The following ZNF142 variants were observed in gnomAD, a reference collection of about 807,000 sequenced individuals.
The protein encoded by ZNF142 is zinc finger protein 142 (clone pHZ-49).
Under a neutral mutation model 132.1 loss-of-function variants are expected in ZNF142, and 96 were observed. The ratio of observed to expected loss-of-function variants is 0.73; its 90% CI spans 0.62 to 0.86. The LOEUF is 0.86. Ranked by LOEUF, ZNF142 falls within the 40% of genes least tolerant of loss-of-function variation. The pLI is 0.00. For synonymous variants in ZNF142, 842 were observed against 890.1 expected (o/e 0.95, Z 0.96); for missense variants, 2,163 against 2,336.2 (o/e 0.93, Z 1.53).
At position 218,651,749 on chromosome 2, in the gene ZNF142, CCT is replaced by C. The variant is rs1227737566; in HGVS notation, c.830_831del (p.Gln277ArgfsTer42). On this transcript the variant is annotated frameshift_variant, in exon 5 of 11. Coordinates refer to ENST00000411696, the MANE Select transcript of ZNF142 (RefSeq NM_001379659.1). LOFTEE classifies it high-confidence loss of function. The part of the protein sequence containing the change: ...QHQRSHGAGT[Q>X]GELSAVQGLP... ...AGGCCCTGAACGGCAGAAAGTTCTC[CCT>C]GTGTCCCAGCACCATGGCTCCGCTG... 5 of 1,289,640 alleles carry C rather than the reference CCT, an allele frequency of 3.9e-6. No homozygotes were observed. The highest frequency in any genetic ancestry group is 5.1e-6 in the Non-Finnish European group (5 of 988,850). 79.9% of individuals were successfully genotyped at this position (1,289,640 alleles called of 1,614,324 possible). A position where few individuals can be genotyped will look rare whatever the true frequency, so the allele number is the denominator to read the frequency against.
intron 10 of ZNF142, among the ~76,000 whole-genome samples, chr2:218,639,058 G>A (rs941628798): frequency 3.9e-5 from 6 of 152,086 alleles, no homozygotes; most frequent in Non-Finnish European, 5.9e-5. Flanking sequence ...TACAACCTCC[G>A]CCTCCCAGGT....
intron 4 of ZNF142, among the ~76,000 whole-genome samples, chr2:218,653,813 C>T (rs1281331154): frequency 1.3e-5 from 2 of 152,094 alleles, no homozygotes; most frequent in African/African-American, 2.4e-5. Flanking sequence ...AAATTCTGCC[C>T]TTGCTTCCCT....
chr2:218,643,264 T>TG lies in ZNF142; in HGVS notation c.3851dup (p.Glu1285ArgfsTer6), dbSNP rs764810560. On this transcript the variant is annotated frameshift_variant, in exon 9 of 11. Coordinates refer to ENST00000411696, the MANE Select transcript of ZNF142 (RefSeq NM_001379659.1). LOFTEE classifies it high-confidence loss of function. ...TATCCCCATCACCAGAGCTGGACTC[T>TG]GTACTCCCATTCTTCGGGGGAGCAG... The TG allele has an allele frequency of 6.2e-7, 1 of 1,614,236 alleles. No individual in the cohort carries two copies. The highest frequency in any genetic ancestry group is 2.2e-5 in the East Asian group (1 of 44,884).
rs1257952186 is a variant in ZNF142 at position 218,642,189 on chromosome 2, C to T, written c.4927G>A (p.Val1643Met). The stretch of plus-strand genomic sequence containing the variant: ...AGACGAGTGCCCCCATGCCCTTTCA[C>T]ATGGTGATCTAGTACCAGCTGATGG... ...CRHQLVLDHH[V>M]KGHGGTRLYK... Residue 1643 changes from valine (V) to methionine (M), a missense_variant, in exon 9 of 11, where the codon GTG becomes ATG. This residue lies in a region of ZNF142 where 325 missense variants were observed against 367.8 expected (regional missense o/e 0.88). Coordinates refer to ENST00000411696, the MANE Select transcript of ZNF142 (RefSeq NM_001379659.1). The surrounding 1 kb of genome is among the most constrained non-coding windows in gnomAD (Gnocchi z 4.6). 1.2e-6 allele frequency: 2 copies of T among 1,614,110 alleles called. No homozygotes were observed. Among genetic ancestry groups the T allele is most frequent in the Non-Finnish European group, 1.7e-6 (2 of 1,180,050 alleles).
Position 218,634,782 on chromosome 2 carries a change from CACA to C in ZNF142, c.*3554_*3556del, listed in dbSNP as rs1696615385. ...TGGAGCCAGCTGCCTAGCTTCAAACCACAACTTCCTAATTGGGTAATGTTGGGC... is the reference window on the plus strand; with the variant it reads ...TGGAGCCAGCTGCCTAGCTTCAAACCACTTCCTAATTGGGTAATGTTGGGC... On this transcript the variant is annotated 3_prime_UTR_variant, in exon 11 of 11. Transcript: ENST00000411696. This position sits in a 1 kb window ranked among gnomAD's most constrained non-coding sequence, Gnocchi z 4.0. Among the ~76,000 whole-genome samples, 4 of 152,174 alleles carry C rather than the reference CACA, an allele frequency of 2.6e-5. No homozygotes were observed. Among genetic ancestry groups the C allele is most frequent in the Admixed American group, 2.6e-4 (4 of 15,278 alleles).
At chr2:218,645,139 C>T in intron 8 of ZNF142, 75 bp from the exon 9 acceptor site, 1 of 1,545,716 alleles carries the variant, frequency 6.5e-7, no homozygotes, top group Non-Finnish European at 8.7e-7. Context: ...TAAATACTTA[C>T]TGTGGGCCAG....
At position 218,637,013 on chromosome 2, in the gene ZNF142, G is replaced by A. The variant is rs1575049105; in HGVS notation, c.*1326C>T. The stretch of plus-strand genomic sequence containing the variant: ...ACTTCCTCAAAGCCCAAAGCCAAGG[G>A]AAGGATAAATCAAGGCTCAAGGCTT... On this transcript the variant is annotated 3_prime_UTR_variant, in exon 11 of 11. Transcript: ENST00000411696. 13 of 435,464 alleles carry A rather than the reference G, an allele frequency of 3.0e-5. 1 individual carries two copies. In the Middle Eastern group the frequency reaches 1.0e-3, roughly 34 times the overall value. 27.0% of individuals were successfully genotyped at this position (435,464 alleles called of 1,614,324 possible). A position where few individuals can be genotyped will look rare whatever the true frequency, so the allele number is the denominator to read the frequency against.
rs779110994 is a variant in ZNF142 at position 218,642,395 on chromosome 2, C to T, written c.4721G>A (p.Arg1574Lys). The change falls in exon 9 of 11, where the codon AGG (arginine) becomes AAG (lysine). Residue 1574 changes from arginine (R) to lysine (K), a missense_variant. Transcript: ENST00000411696. This position sits in a 1 kb window ranked among gnomAD's most constrained non-coding sequence, Gnocchi z 4.6. ...ACAGCGGTGGCTGAAATGCTGCTGC[C>T]TCCGGTGCTCATCCAGAGCCAGTCG... ...PSRLALDEHR[R>K]QQHFSHRCQL... The T allele has an allele frequency of 6.2e-7, 1 of 1,612,992 alleles. No individual in the cohort carries two copies. The highest frequency in any genetic ancestry group is 8.5e-7 in the Non-Finnish European group (1 of 1,180,028).
chr2:218,640,061 CAAAAAAA>C (rs35136548), intron 10 of ZNF142, among the ~76,000 whole-genome samples: 8 of 44,316 alleles, frequency 1.8e-4, no homozygotes, highest in Admixed American at 1.3e-3. Context: ...GACTCTGTCT[CAAAAAAA>C]AAAAAAAAAA....
chr2:218,641,131 G>A (rs762248138), intron 9 of ZNF142, among the ~76,000 whole-genome samples: 2 of 151,976 alleles, frequency 1.3e-5, no homozygotes, highest in African/African-American at 4.8e-5. Context: ...TAAAGACAGA[G>A]TCTCCATATG....
chr2:218,640,617 A>T (rs1393487060), intron 10 of ZNF142, 47 bp downstream of exon 10: 1 of 1,573,704 alleles, frequency 6.4e-7, no homozygotes, highest in South Asian at 1.1e-5. Flanking sequence ...TAGGTTTGCC[A>T]GGGAACAAAG....
intron 5 of ZNF142, 117 bp downstream of exon 5, chr2:218,651,584 C>T (rs149831282): frequency 8.9e-7 from 1 of 1,126,508 alleles, no homozygotes; most frequent in African/African-American, 1.6e-5. Flanking sequence ...TCCTGAGCCA[C>T]TGTCTAGATT....
rs939449502 is a variant in ZNF142 at position 218,642,615 on chromosome 2, G to A, written c.4501C>T (p.Leu1501Phe). 2 of 1,613,990 alleles carry A rather than the reference G, an allele frequency of 1.2e-6. No homozygotes were observed. Among genetic ancestry groups the A allele is most frequent in the South Asian group, 1.1e-5 (1 of 91,074 alleles). Residue 1501 changes from leucine (L) to phenylalanine (F), a missense_variant, in exon 9 of 11, where the codon CTT becomes TTT. This residue lies in a region of ZNF142 where 809 missense variants were observed against 801.7 expected (regional missense o/e 1.01). Coordinates refer to ENST00000411696, the MANE Select transcript of ZNF142 (RefSeq NM_001379659.1). The surrounding 1 kb of genome is among the most constrained non-coding windows in gnomAD (Gnocchi z 4.6). The part of the protein sequence containing the change: ...CEAQFSSETA[L>F]KQHALRRHPE... ...TGTCGGCGCAGAGCATGCTGCTTAA[G>A]TGCTGTCTCTGAGCTGAACTGGGCT...
Position 218,643,635 on chromosome 2 carries a change from C to A in ZNF142, c.3481G>T (p.Gly1161Cys). The A allele has an allele frequency of 1.3e-6, 2 of 1,551,726 alleles. No individual in the cohort carries two copies. Among genetic ancestry groups the A allele is most frequent in the Non-Finnish European group, 1.7e-6 (2 of 1,152,046 alleles). ...ETEEPLATVS[G>C]SPVPPAGNSL... is the part of the protein sequence containing the mutation. ...TTTCCTGCAGGAGGGACTGGGGAAC[C>A]AGAGACTGTGGCAAGAGGCTCTTCT... The change falls in exon 9 of 11, where the codon GGT (glycine) becomes TGT (cysteine). Residue 1161 changes from glycine (G) to cysteine (C), a missense_variant. By Grantham distance (159) the Gly-to-Cys change is radical (BLOSUM62 -3). Around this residue, in one of 7 missense-constraint regions of ZNF142, gnomAD observed 809 missense variants for 801.7 expected, o/e 1.01. Coordinates refer to ENST00000411696, the MANE Select transcript of ZNF142 (RefSeq NM_001379659.1).
chr2:218,644,007 G>A lies in ZNF142; in HGVS notation c.3109C>T (p.Arg1037Cys), dbSNP rs759440523. The A allele has an allele frequency of 5.7e-5, 92 of 1,614,004 alleles. No homozygotes were observed. Among genetic ancestry groups the A allele is most frequent in the Admixed American group, 1.0e-4 (6 of 59,988 alleles). Residue 1037 changes from arginine (R) to cysteine (C), a missense_variant, in exon 9 of 11, where the codon CGC becomes TGC. Transcript: ENST00000411696. The surrounding 1 kb of genome is among the most constrained non-coding windows in gnomAD (Gnocchi z 4.6). ...VVIQGEGRAF[R>C]CPHCPFITRR... ...GTGATAAAAGGGCAGTGTGGGCAGC[G>A]GAAGGCTCGCCCCTCTCCCTGGATC...
intron 7 of ZNF142, among the ~76,000 whole-genome samples, chr2:218,646,935 C>T (rs994448068): frequency 3.3e-5 from 5 of 152,114 alleles, no homozygotes; most frequent in African/African-American, 1.2e-4. Context: ...TGTTTTACAG[C>T]TTGCTGTCAC....
rs746125635 is a variant in ZNF142, at chr2:218,638,685, G to T, written c.5318C>A (p.Ala1773Asp). ...GCGCAGCAGGAAGCGCGTCTTGAAG[G>T]CCTTGCCACACTGCTCACACATGAA... Reference protein sequence around the residue: ...RAFMCEQCGKAFKTRFLLRTH... With the variant: ...RAFMCEQCGKDFKTRFLLRTH... Residue 1773 changes from alanine to aspartate, a missense_variant, in exon 11 of 11, where the codon GCC becomes GAC. By Grantham distance (126) the Ala-to-Asp change is moderately radical (BLOSUM62 -2). Around this residue, in one of 7 missense-constraint regions of ZNF142, gnomAD observed 325 missense variants for 367.8 expected, o/e 0.88. Coordinates refer to ENST00000411696, the MANE Select transcript of ZNF142 (RefSeq NM_001379659.1). 2 of 1,614,082 alleles carry T rather than the reference G, an allele frequency of 1.2e-6. No homozygotes were observed. Among genetic ancestry groups the T allele is most frequent in the African/African-American group, 1.3e-5 (1 of 74,932 alleles).
chr2:218,656,222 G>C lies in ZNF142; in HGVS notation c.208C>G (p.Pro70Ala), dbSNP rs1938476793. The change falls in exon 4 of 11, where the codon CCA (proline) becomes GCA (alanine). Residue 70 changes from proline (P) to alanine (A), a missense_variant. This residue lies in a region of ZNF142 where 195 missense variants were observed against 172.4 expected (regional missense o/e 1.13). Coordinates refer to ENST00000411696, the MANE Select transcript of ZNF142 (RefSeq NM_001379659.1). ...TCCACAATGATCTCCATGTTCCCTG[G>C]TCCCTCTTCAGTTGCTGTGGCCTCT... ...LVEATATEEG[P>A]GNMEIIVETV... is the part of the protein sequence containing the mutation. 1.2e-6 allele frequency: 2 copies of C among 1,613,104 alleles called. No homozygotes were observed. The highest frequency in any genetic ancestry group is 1.7e-6 in the Non-Finnish European group (2 of 1,179,500).
At position 218,635,827 on chromosome 2, in the gene ZNF142, A is replaced by T. The variant is rs1488097312; in HGVS notation, c.*2512T>A. ...AGCGGTCAGCAACTCCCCAAAGTGG[A>T]CAAGACCAAAGAGGGGTCCATTGTG... On this transcript the variant is annotated 3_prime_UTR_variant, in exon 11 of 11. Transcript: ENST00000411696. 1 of 1,613,708 alleles carries T rather than the reference A, an allele frequency of 6.2e-7. No homozygotes were observed. Among genetic ancestry groups the T allele is most frequent in the Non-Finnish European group, 8.5e-7 (1 of 1,179,764 alleles).
Sources: allele counts gnomAD v4.1 joint callset (sites outside exome capture counted in the v4.1 genomes callset), GRCh38; gene constraint gnomAD v4.1.1; regional missense constraint gnomAD v4.1.1; non-coding constraint Gnocchi (gnomAD v3.1); transcripts MANE v1.5; gene names NCBI Gene and HGNC (gene_info 2026-07-23, HGNC 2026-07-21).